The following KIRREL1 variants were observed in gnomAD, a reference collection of about 807,000 sequenced individuals.
KIRREL1 encodes the protein kin of IRRE-like protein 1.
In KIRREL1, 25 loss-of-function variants were observed where a neutral mutation model predicts 83.3. That is an observed-to-expected ratio of 0.30 (90% confidence interval 0.22 to 0.42). The LOEUF (loss-of-function observed/expected upper bound fraction) is 0.42. KIRREL1 is among the 10% of genes least tolerant of loss of function. The probability of loss-of-function intolerance (pLI) is 1.00; values close to 1 mark genes in which losing one functional copy is unlikely to be tolerated. For missense variants in KIRREL1, 812 were observed against 1,032.3 expected (o/e 0.79, Z 2.92); for synonymous variants, 388 against 410.4 (o/e 0.95, Z 0.66).
chr1:158,050,082 C>T (rs919491605), intron 1 of KIRREL1, among the ~76,000 whole-genome samples: 1 of 152,060 alleles, frequency 6.6e-6, no homozygotes, highest in African/African-American at 2.4e-5. Context: ...GAAGTGGAGA[C>T]TGGAGGAGAG....
intron 1 of KIRREL1, among the ~76,000 whole-genome samples, chr1:158,011,447 C>T (rs1161364982): frequency 6.6e-6 from 1 of 152,198 alleles, no homozygotes; most frequent in Non-Finnish European, 1.5e-5. Flanking sequence ...TAGAAGGAAC[C>T]GGAAGCTGGG....
chr1:158,092,918 A>T (rs373966211), intron 11 of KIRREL1, among the ~76,000 whole-genome samples: 6 of 152,288 alleles, frequency 3.9e-5, no homozygotes, highest in African/African-American at 1.4e-4. Flanking sequence ...CAGTGGTATT[A>T]TGGATGGCAC....
Position 158,063,270 on chromosome 1 carries a change from G to A in KIRREL1, c.53-12843G>A, listed in dbSNP as rs576704100. On this transcript the variant is annotated intron_variant, in intron 1 of 14. Coordinates refer to ENST00000359209, the MANE Select transcript of KIRREL1 (RefSeq NM_018240.7). ...TGAGTCTCAGCCCAAGGGAAGACCA[G>A]TTTGGAAGTCAGATAAGAAAAAAAT... Among the ~76,000 whole-genome samples, 3 of 152,314 alleles carry A rather than the reference G, an allele frequency of 2.0e-5. No individual in the cohort carries two copies. The South Asian group carries it at 6.2e-4, about 32-fold the overall frequency.
intron 1 of KIRREL1, among the ~76,000 whole-genome samples, chr1:158,017,761 G>GTT (rs11381270): frequency 0.02 from 2,949 of 150,854 alleles, 43 homozygotes; most frequent in Non-Finnish European, 0.029. Context: ...CTATTTTTCT[G>GTT]TTTTTTTTAA....
chr1:158,075,344 C>T lies in KIRREL1; in HGVS notation c.53-769C>T, dbSNP rs935774485. Among the ~76,000 whole-genome samples the T allele has an allele frequency of 5.1e-4, 77 of 152,242 alleles. 1 individual carries two copies. Among genetic ancestry groups the T allele is most frequent in the Non-Finnish European group, 9.1e-4 (62 of 68,042 alleles). On this transcript the variant is annotated intron_variant, in intron 1 of 14. Coordinates refer to ENST00000359209, the MANE Select transcript of KIRREL1 (RefSeq NM_018240.7). Reference sequence around the variant, plus strand: ...CCGGAGGGAGAGTGGAACAAAGTCACGTGGCCTCTCAGCTCCCACAGTGAA... The same window carrying T: ...CCGGAGGGAGAGTGGAACAAAGTCATGTGGCCTCTCAGCTCCCACAGTGAA...
At chr1:158,068,104 G>A (rs765983747) in intron 1 of KIRREL1, among the ~76,000 whole-genome samples, 3 of 152,164 alleles carry the variant, frequency 2.0e-5, no homozygotes, top group Admixed American at 6.5e-5. Flanking sequence ...GTGGGAAGGC[G>A]GTAAAGGTGG....
At chr1:158,049,903 A>G (rs1660868578) in intron 1 of KIRREL1, among the ~76,000 whole-genome samples, 1 of 152,162 alleles carries the variant, frequency 6.6e-6, no homozygotes, top group African/African-American at 2.4e-5. Flanking sequence ...GACCCGTATT[A>G]CAGCAACCAT....
At position 158,088,150 on chromosome 1, in the gene KIRREL1, C is replaced by T; in HGVS notation, c.912C>T (p.Val304=). The T allele has an allele frequency of 6.2e-7, 1 of 1,614,192 alleles. No individual in the cohort carries two copies. The highest frequency in any genetic ancestry group is 1.1e-5 in the South Asian group (1 of 91,072). Residue 304 remains valine, a synonymous_variant, in exon 7 of 15, where the codon GTC becomes GTT. Transcript: ENST00000359209. ...GSTNVSTLVN[V]HFAPRIVVDP... is the part of the protein sequence containing the mutation. Reference sequence around the variant, plus strand: ...CCAATGTCAGCACTTTAGTAAATGTCCACTGTGAGTAGCTGGGAGGGCAGG... The same window carrying T: ...CCAATGTCAGCACTTTAGTAAATGTTCACTGTGAGTAGCTGGGAGGGCAGG...
intron 1 of KIRREL1, among the ~76,000 whole-genome samples, chr1:158,029,366 T>TGTGTGTGTGTGTGTGTGTGCGC (rs1553238087): frequency 6.7e-6 from 1 of 148,930 alleles, no homozygotes; most frequent in African/African-American, 2.5e-5. Context: ...TGTGTGTGTG[T>TGTGTGTGTGTGTGTGTGTGCGC]GCACGTGCGC....
rs1297254938 is a variant in KIRREL1 at position 158,095,073 on chromosome 1, T to C, written c.2227T>C (p.Ser743Pro). 64 of 1,611,426 alleles carry C rather than the reference T, an allele frequency of 4.0e-5. No homozygotes were observed. The highest frequency in any genetic ancestry group is 5.3e-5 in the Non-Finnish European group (63 of 1,178,190). Reference protein sequence around the residue: ...ATRFSYTSQHSDYGQRFQQRM... With the variant: ...ATRFSYTSQHPDYGQRFQQRM... ...TCGATTCTCCTACACCTCCCAGCACTCGGACTACGGCCAGCGATTCCAGCA... is the reference window on the plus strand; with the variant it reads ...TCGATTCTCCTACACCTCCCAGCACCCGGACTACGGCCAGCGATTCCAGCA... The change falls in exon 15 of 15, where the codon TCG becomes CCG. Residue 743 changes from serine to proline, a missense_variant. By Grantham distance (74) the Ser-to-Pro change is moderately conservative. Around this residue, in one of 3 missense-constraint regions of KIRREL1, gnomAD observed 334 missense variants for 383.7 expected, o/e 0.87. Coordinates refer to ENST00000359209, the MANE Select transcript of KIRREL1 (RefSeq NM_018240.7).
intron 1 of KIRREL1, among the ~76,000 whole-genome samples, chr1:158,055,082 A>G (rs1661016212): frequency 6.6e-6 from 1 of 152,122 alleles, no homozygotes; most frequent in South Asian, 2.1e-4. Flanking sequence ...GTGAGGCTGC[A>G]CTGGCACCTG....
chr1:158,006,045 C>G (rs1659510911), intron 1 of KIRREL1, among the ~76,000 whole-genome samples: 1 of 152,164 alleles, frequency 6.6e-6, no homozygotes, highest in Non-Finnish European at 1.5e-5. Context: ...TAGCTATCTG[C>G]AAGTGTGAAT....
intron 1 of KIRREL1, among the ~76,000 whole-genome samples, chr1:158,037,115 T>A (rs567053677): frequency 6.6e-6 from 1 of 152,108 alleles, no homozygotes; most frequent in Non-Finnish European, 1.5e-5. Flanking sequence ...AGATTTGGAG[T>A]CCTGGACACC....
At chr1:158,024,440 G>A (rs1490083239) in intron 1 of KIRREL1, among the ~76,000 whole-genome samples, 2 of 151,268 alleles carry the variant, frequency 1.3e-5, no homozygotes, top group Non-Finnish European at 1.5e-5. Flanking sequence ...CACCACACTC[G>A]GCTAATTTTT....
intron 1 of KIRREL1, among the ~76,000 whole-genome samples, chr1:158,066,385 G>A (rs957771381): frequency 6.6e-6 from 1 of 152,082 alleles, no homozygotes; most frequent in African/African-American, 2.4e-5. Context: ...TTCCTCACCT[G>A]ACCTTAAAAC....
chr1:158,009,363 C>T (rs1659607131), intron 1 of KIRREL1, among the ~76,000 whole-genome samples: 2 of 152,176 alleles, frequency 1.3e-5, no homozygotes, highest in African/African-American at 4.8e-5. Context: ...CTTTGAGTCT[C>T]AATTTCTTCA....
chr1:158,075,350 C>T (rs1055832941), intron 1 of KIRREL1, among the ~76,000 whole-genome samples: 7 of 152,214 alleles, frequency 4.6e-5, no homozygotes, highest in Non-Finnish European at 7.3e-5. Context: ...GTCACGTGGC[C>T]TCTCAGCTCC....
intron 1 of KIRREL1, among the ~76,000 whole-genome samples, chr1:158,020,949 C>T (rs1382995618): frequency 1.3e-5 from 2 of 152,142 alleles, no homozygotes; most frequent in African/African-American, 4.8e-5. Context: ...CTTACAGGGC[C>T]GCTGGATTTA....
intron 1 of KIRREL1, among the ~76,000 whole-genome samples, chr1:157,993,984 G>A (rs1197706457): frequency 6.6e-6 from 1 of 152,226 alleles, no homozygotes; most frequent in African/African-American, 2.4e-5. Flanking sequence ...CGAGCAATGG[G>A]GCCGCGAGGG....
Sources: allele counts gnomAD v4.1 joint callset (sites outside exome capture counted in the v4.1 genomes callset), GRCh38; gene constraint gnomAD v4.1.1; regional missense constraint gnomAD v4.1.1; transcripts MANE v1.5; gene names NCBI Gene and HGNC (gene_info 2026-07-23, HGNC 2026-07-21).